Variants in TMEM9B observed in about 807,000 individuals in gnomAD.
TMEM9B encodes the protein TMEM9 domain family member B, also known as transmembrane protein 9B.
TMEM9B carries 8 observed loss-of-function variants against 23.5 expected under a neutral mutation model. The observed-to-expected ratio is 0.34, with a 90% CI of 0.20 to 0.61. The LOEUF is 0.61. TMEM9B is among the 20% of genes least tolerant of loss of function. TMEM9B has a pLI of 0.78. For missense variants in TMEM9B, 197 were observed against 252.3 expected, an observed-to-expected ratio of 0.78 and a Z score of 1.49; for synonymous variants, 106 against 96.3, an observed-to-expected ratio of 1.10 and a Z score of -0.59.
chr11:8,956,111 T>A, intron 3 of TMEM9B, 79 bp downstream of exon 3: 1 of 1,359,762 alleles, frequency 7.4e-7, no homozygotes, highest in Non-Finnish European at 1.0e-6. Context: ...AATTTTTCTG[T>A]CTTGTCTAGA....
At chr11:8,950,025 A>G (rs560995665) in intron 4 of TMEM9B, among the ~76,000 whole-genome samples, 1 of 152,032 alleles carries the variant, frequency 6.6e-6, no homozygotes, top group Non-Finnish European at 1.5e-5. Flanking sequence ...CAGCGTCCCA[A>G]GTAGCTGGGA....
Position 8,956,179 on chromosome 11 carries a change from A to G in TMEM9B, c.306+11T>C. The G allele has an allele frequency of 6.2e-7, 1 of 1,607,670 alleles. No individual in the cohort carries two copies. The highest frequency in any genetic ancestry group is 1.3e-5 in the African/African-American group (1 of 74,946). On this transcript the variant is annotated intron_variant, in intron 3 of 4. Coordinates refer to ENST00000534025, the MANE Select transcript of TMEM9B (RefSeq NM_020644.3). Reference sequence around the variant, plus strand: ...CAGACAGACAGGTAGATAGAGGGATATATATTTTACCTTGATTGTGACAGA... The same window carrying G: ...CAGACAGACAGGTAGATAGAGGGATGTATATTTTACCTTGATTGTGACAGA...
chr11:8,952,281 C>A (rs868152190), intron 4 of TMEM9B, among the ~76,000 whole-genome samples: 1 of 147,454 alleles, frequency 6.8e-6, no homozygotes, highest in African/African-American at 2.5e-5. Context: ...CACACACACG[C>A]TATATATATA....
Position 8,962,171 on chromosome 11 carries a change from C to G in TMEM9B, c.118G>C (p.Val40Leu), listed in dbSNP as rs1854093584. 1 of 1,600,490 alleles carries G rather than the reference C, an allele frequency of 6.2e-7. No individual in the cohort carries two copies. Among genetic ancestry groups the G allele is most frequent in the Non-Finnish European group, 8.5e-7 (1 of 1,175,524 alleles). ...GGAGGGCAGATACATTTACATCTGA[C>G]ATCCTCGAAATTCTGTAACCAAAAT... ...LSDAAKNFED[V>L]RCKCICPPYK... Residue 40 changes from valine to leucine, a missense_variant, in exon 2 of 5, where the codon GTC (valine) becomes CTC (leucine). Physicochemically the swap from Val to Leu is conservative, Grantham distance 32 (BLOSUM62 1). Around this residue, in one of 2 missense-constraint regions of TMEM9B, gnomAD observed 141 missense variants for 214.1 expected, o/e 0.66. Transcript: ENST00000534025.
At chr11:8,953,058 C>G (rs1853912516) in intron 4 of TMEM9B, 145 bp downstream of exon 4, 2 of 927,694 alleles carry the variant, frequency 2.2e-6, no homozygotes, top group South Asian at 1.4e-5. Context: ...GAGGTATATA[C>G]TGAAATCAGA....
At chr11:8,963,543 C>A (rs1375440585) in intron 1 of TMEM9B, among the ~76,000 whole-genome samples, 1 of 152,182 alleles carries the variant, frequency 6.6e-6, no homozygotes, top group Non-Finnish European at 1.5e-5. Context: ...ACCTCTCTTG[C>A]AGTTTGGTTC....
Position 8,957,923 on chromosome 11 carries a change from G to A in TMEM9B, c.198-1625C>T, listed in dbSNP as rs1465046809. Among the ~76,000 whole-genome samples, 7 of 152,104 alleles carry A rather than the reference G, an allele frequency of 4.6e-5. No individual in the cohort carries two copies. The highest frequency in any genetic ancestry group is 1.3e-4 in the Admixed American group (2 of 15,266). On this transcript the variant is annotated intron_variant, in intron 2 of 4. Coordinates refer to ENST00000534025, the MANE Select transcript of TMEM9B (RefSeq NM_020644.3). The surrounding 1 kb of genome is among the most constrained non-coding windows in gnomAD (Gnocchi z 4.3). ...TGTAATCCCAGCACTTTGGGAGGCC[G>A]AGGCGGGAAGATCACCTGAGGTTGG...
intron 3 of TMEM9B, among the ~76,000 whole-genome samples, chr11:8,953,799 A>T (rs1409764413): frequency 6.6e-6 from 1 of 152,264 alleles, no homozygotes; most frequent in Non-Finnish European, 1.5e-5. Flanking sequence ...ATTAGCAAGG[A>T]TATGGAGAAA....
At chr11:8,964,583 G>A, upstream of TMEM9B, 5 of 889,554 alleles carry the variant, frequency 5.6e-6, no homozygotes, top group Non-Finnish European at 6.2e-6. Flanking sequence ...ACGGAAGGGG[G>A]CCTCTGGGGT....
intron 4 of TMEM9B, among the ~76,000 whole-genome samples, chr11:8,948,715 T>C (rs1319624548): frequency 6.6e-6 from 1 of 152,128 alleles, no homozygotes; most frequent in Non-Finnish European, 1.5e-5. Flanking sequence ...TTCCCATGGA[T>C]TGCCATTTCC....
intron 3 of TMEM9B, 78 bp from the exon 4 acceptor site, chr11:8,953,415 A>G: frequency 1.4e-6 from 2 of 1,437,116 alleles, no homozygotes; most frequent in Middle Eastern, 2.5e-4. Context: ...AGTAAAACTG[A>G]CTGACATATC....
At position 8,949,932 on chromosome 11, in the gene TMEM9B, G is replaced by A. The variant is rs568230301; in HGVS notation, c.442-1457C>T. 6.8e-5 allele frequency among the ~76,000 whole-genome samples: 10 copies of A among 146,084 alleles called. No homozygotes were observed. The South Asian group carries it at 2.0e-3, about 29-fold the overall frequency. ...AAATAGGGTCTACCCATGTTGCCCA[G>A]GCTGGAAGGCAGGGGCTATTCACAG... On this transcript the variant is annotated intron_variant, in intron 4 of 4. Transcript: ENST00000534025.
intron 1 of TMEM9B, among the ~76,000 whole-genome samples, chr11:8,963,532 C>T (rs536528745): frequency 1.3e-5 from 2 of 152,318 alleles, no homozygotes; most frequent in African/African-American, 4.8e-5. Flanking sequence ...GCCACAACCT[C>T]ACCTCTCTTG....
At chr11:8,963,566 C>T (rs1471872474) in intron 1 of TMEM9B, among the ~76,000 whole-genome samples, 1 of 152,168 alleles carries the variant, frequency 6.6e-6, no homozygotes, top group African/African-American at 2.4e-5. Flanking sequence ...CCCTTACCCA[C>T]TAAATTATCA....
In TMEM9B at chr11:8,962,288, G is replaced by A. The variant is rs530858862; in HGVS notation, c.106-105C>T. 8.5e-4 allele frequency: 573 copies of A among 677,604 alleles called. 1 individual carries two copies. The African/African-American group carries it at 9.6e-3, about 11-fold the overall frequency. 42.0% of individuals were successfully genotyped at this position (677,604 alleles called of 1,614,324 possible). Reference sequence around the variant, plus strand: ...CCAAGCATCCTCTTTAGAATACCAAGTATTCTAAAATCATTCATTTAAAAC... The same window carrying A: ...CCAAGCATCCTCTTTAGAATACCAAATATTCTAAAATCATTCATTTAAAAC... On this transcript the variant is annotated intron_variant, in intron 1 of 4. Coordinates refer to ENST00000534025, the MANE Select transcript of TMEM9B (RefSeq NM_020644.3).
intron 3 of TMEM9B, 29 bp downstream of exon 3, chr11:8,956,161 A>G (rs1474468636): frequency 6.3e-7 from 1 of 1,592,856 alleles, no homozygotes; most frequent in Admixed American, 1.7e-5. Context: ...AGACAGACAG[A>G]CAGGTAGATA....
In TMEM9B at chr11:8,954,832, G is replaced by C. The variant is rs188468697; in HGVS notation, c.306+1358C>G. ...CCCACATTCCCCACAGGGCCTTTTG[G>C]GGGGAAAGGAATGGGAAGTGCCATG... On this transcript the variant is annotated intron_variant, in intron 3 of 4. Coordinates refer to ENST00000534025, the MANE Select transcript of TMEM9B (RefSeq NM_020644.3). Among the ~76,000 whole-genome samples, 574 of 152,156 alleles carry C rather than the reference G, an allele frequency of 3.8e-3. 4 individuals carry two copies. The highest frequency in any genetic ancestry group is 0.011 in the African/African-American group (477 of 41,526).
Position 8,947,364 on chromosome 11 carries a change from TA to T in TMEM9B, c.*955del, listed in dbSNP as rs1853787567. The T allele has an allele frequency of 6.6e-6, 1 of 152,636 alleles. No homozygotes were observed. Among genetic ancestry groups the T allele is most frequent in the African/African-American group, 2.4e-5 (1 of 41,448 alleles). The allele number at this position is 152,636 out of a possible 1,614,324, so 9.5% of individuals were successfully genotyped here. A position where few individuals can be genotyped will look rare whatever the true frequency, so the allele number is the denominator to read the frequency against. On this transcript the variant is annotated 3_prime_UTR_variant, in exon 5 of 5. Transcript: ENST00000534025. The stretch of plus-strand genomic sequence containing the variant: ...AGGAAGAAAAAAGCCAGTTATCCAA[TA>T]ATGGTTAGACCTTTCAGAAGAGGCA...
chr11:8,951,054 T>C (rs1853865936), intron 4 of TMEM9B, among the ~76,000 whole-genome samples: 1 of 152,222 alleles, frequency 6.6e-6, no homozygotes, highest in Non-Finnish European at 1.5e-5. Flanking sequence ...GACAGTGTTC[T>C]CAAATAGTCA....
Sources: gnomAD v4.1 joint callset for allele counts (sites outside exome capture counted in the v4.1 genomes callset) on GRCh38, gnomAD v4.1.1 for gene constraint, gnomAD v4.1.1 regional missense constraint, Gnocchi (gnomAD v3.1) non-coding constraint, MANE v1.5 for transcripts, NCBI Gene and HGNC (gene_info 2026-07-23, HGNC 2026-07-21) for gene names.